Variants in IGFBP7 observed in about 807,000 individuals in gnomAD.
IGFBP7 encodes insulin like growth factor binding protein 7.
A neutral mutation model predicts 29.4 loss-of-function variants in IGFBP7; 31 were observed. The observed-to-expected ratio is 1.05, with a 90% confidence interval of 0.79 to 1.42. The LOEUF (loss-of-function observed/expected upper bound fraction) is 1.42, where lower values mean the gene tolerates loss of function less well. Ranked by LOEUF, IGFBP7 falls within the 40% of genes most tolerant of loss-of-function variation. IGFBP7 has a pLI of 0.00. For synonymous variants in IGFBP7, 172 were observed against 174.9 expected, an observed-to-expected ratio of 0.98 and a Z score of 0.13; for missense variants, 393 against 395.5, an observed-to-expected ratio of 0.99 and a Z score of 0.05.
intron 1 of IGFBP7, among the ~76,000 whole-genome samples, chr4:57,064,561 G>A (rs2109768955): frequency 6.6e-6 from 1 of 152,318 alleles, no homozygotes; most frequent in East Asian, 1.9e-4. Flanking sequence ...ACAATGCAGA[G>A]GGAAATCTCT....
chr4:57,046,559 A>G (rs1171270015), intron 1 of IGFBP7, among the ~76,000 whole-genome samples: 1 of 152,088 alleles, frequency 6.6e-6, no homozygotes, highest in Non-Finnish European at 1.5e-5. Context: ...TCTAACTCAT[A>G]CTCAGTGTTT....
At chr4:57,109,386 G>C (rs1167245342) in intron 1 of IGFBP7, among the ~76,000 whole-genome samples, 1 of 152,068 alleles carries the variant, frequency 6.6e-6, no homozygotes, top group Non-Finnish European at 1.5e-5. Flanking sequence ...GGCCAAGATC[G>C]TGCCACTGCC....
At chr4:57,065,740 C>T (rs1724904794) in intron 1 of IGFBP7, 1 of 152,374 alleles carries the variant, frequency 6.6e-6, no homozygotes, top group East Asian at 1.9e-4. Flanking sequence ...GCGCCAAGCT[C>T]CTGGGCTGGC....
chr4:57,047,484 AAGAT>A (rs1419436404), intron 1 of IGFBP7, among the ~76,000 whole-genome samples: 3 of 152,198 alleles, frequency 2.0e-5, no homozygotes, highest in Non-Finnish European at 2.9e-5. Flanking sequence ...AAAATGAAGA[AAGAT>A]AGCCAGATCC....
At chr4:57,076,563 C>T (rs145361016) in intron 1 of IGFBP7, among the ~76,000 whole-genome samples, 84 of 152,280 alleles carry the variant, frequency 5.5e-4, no homozygotes, top group Non-Finnish European at 8.7e-4. Flanking sequence ...TGTACAGATC[C>T]GACAGTCTTG....
At chr4:57,043,694 C>T (rs1290180569) in intron 1 of IGFBP7, among the ~76,000 whole-genome samples, 1 of 152,198 alleles carries the variant, frequency 6.6e-6, no homozygotes, top group African/African-American at 2.4e-5. Flanking sequence ...AACCATAGGT[C>T]TGAATAGGAA....
chr4:57,042,009 C>T (rs1724237498), intron 1 of IGFBP7, among the ~76,000 whole-genome samples: 1 of 152,160 alleles, frequency 6.6e-6, no homozygotes, highest in African/African-American at 2.4e-5. Context: ...TCTCAGTGTC[C>T]AGGTCCCTGG....
chr4:57,106,473 T>A (rs1428230868), intron 1 of IGFBP7, among the ~76,000 whole-genome samples: 1 of 152,128 alleles, frequency 6.6e-6, no homozygotes, highest in Non-Finnish European at 1.5e-5. Context: ...GAGACATATG[T>A]GCTGAAGTGT....
At chr4:57,103,912 T>C (rs969453909) in intron 1 of IGFBP7, among the ~76,000 whole-genome samples, 1 of 152,072 alleles carries the variant, frequency 6.6e-6, no homozygotes, top group African/African-American at 2.4e-5. Flanking sequence ...TTATTAATTA[T>C]AGTCATCATG....
chr4:57,060,771 T>C (rs1724779354), intron 1 of IGFBP7, among the ~76,000 whole-genome samples: 1 of 151,882 alleles, frequency 6.6e-6, no homozygotes, highest in African/African-American at 2.4e-5. Context: ...AAATATAAAT[T>C]AGCCAGGCGT....
intron 2 of IGFBP7, among the ~76,000 whole-genome samples, chr4:57,035,209 A>T (rs1724053894): frequency 6.6e-6 from 1 of 152,208 alleles, no homozygotes; most frequent in Non-Finnish European, 1.5e-5. Context: ...CTGATCCACT[A>T]TGGAAAGGGA....
At chr4:57,043,136 G>C (rs1156582711) in intron 1 of IGFBP7, among the ~76,000 whole-genome samples, 1 of 152,152 alleles carries the variant, frequency 6.6e-6, no homozygotes, top group Non-Finnish European at 1.5e-5. Flanking sequence ...TGTCACTTCT[G>C]CTAATTCTGA....
intron 2 of IGFBP7, among the ~76,000 whole-genome samples, chr4:57,034,049 CAAAAAA>C (rs35304758): frequency 2.1e-5 from 2 of 96,530 alleles, no homozygotes; most frequent in South Asian, 4.3e-4. Context: ...GACTCCATCT[CAAAAAA>C]AAAAAAAAAA....
At chr4:57,096,446 T>A (rs910366095) in intron 1 of IGFBP7, among the ~76,000 whole-genome samples, 2 of 151,972 alleles carry the variant, frequency 1.3e-5, no homozygotes, top group Non-Finnish European at 2.9e-5. Flanking sequence ...CATTAAGTCA[T>A]CTGGAAAGTT....
intron 2 of IGFBP7, among the ~76,000 whole-genome samples, chr4:57,039,941 T>C (rs75445400): frequency 4.5e-5 from 6 of 132,678 alleles, no homozygotes; most frequent in Admixed American, 7.4e-5. Context: ...CTTTTTTTTT[T>C]CTTTTTTTCC....
intron 1 of IGFBP7, among the ~76,000 whole-genome samples, chr4:57,075,647 A>AT (rs1246105218): frequency 5.1e-5 from 3 of 59,218 alleles, no homozygotes; most frequent in Non-Finnish European, 1.1e-4. Flanking sequence ...AAGCAAAAAC[A>AT]TTAAAAAAAT....
At chr4:57,089,530 TA>T (rs1216277029) in intron 1 of IGFBP7, among the ~76,000 whole-genome samples, 2 of 152,216 alleles carry the variant, frequency 1.3e-5, no homozygotes, top group Non-Finnish European at 2.9e-5. Flanking sequence ...AGCTATGACC[TA>T]TTTTATCATC....
chr4:57,032,804 C>G (rs1490145636), intron 3 of IGFBP7, among the ~76,000 whole-genome samples: 1 of 152,204 alleles, frequency 6.6e-6, no homozygotes, highest in Non-Finnish European at 1.5e-5. Flanking sequence ...TGGATAGGTA[C>G]ACATTATCGG....
Position 57,096,345 on chromosome 4 carries a change from CTAT to C in IGFBP7, c.475+13529_475+13531del, listed in dbSNP as rs567540250. ...CTGGATAAACTGAGCAAAAACTGGC[CTAT>C]TATTATTATGATTATCCCAAAGGAA... On this transcript the variant is annotated intron_variant, in intron 1 of 4. Transcript: ENST00000295666. 5.3e-5 allele frequency among the ~76,000 whole-genome samples: 8 copies of C among 149,968 alleles called. 1 individual carries two copies. The East Asian group carries it at 1.6e-3, about 29-fold the overall frequency.
Sources: allele counts gnomAD v4.1 joint callset (sites outside exome capture counted in the v4.1 genomes callset), GRCh38; gene constraint gnomAD v4.1.1; transcripts MANE v1.5; gene names NCBI Gene and HGNC (gene_info 2026-07-23, HGNC 2026-07-21).